The following TBL1X variants were observed in gnomAD, a reference collection of about 807,000 sequenced individuals.
The protein encoded by TBL1X is F-box-like/WD repeat-containing protein TBL1X.
Under a neutral mutation model 50.7 loss-of-function variants are expected in TBL1X, and 10 were observed. The ratio of observed to expected loss-of-function variants is 0.20; its 90% CI spans 0.12 to 0.33. The LOEUF (loss-of-function observed/expected upper bound fraction) is 0.33. TBL1X is among the 10% of genes least tolerant of loss of function. The pLI, the probability that TBL1X is intolerant of heterozygous loss-of-function variation, is 1.00. For synonymous variants in TBL1X, 190 were observed against 214.7 expected (o/e 0.88, Z 1.01); for missense variants, 340 against 504.4 (o/e 0.67, Z 3.12).
At chrX:9,654,011 T>G (rs943524131) in intron 4 of TBL1X, among the ~76,000 whole-genome samples, 1 of 111,987 alleles carries the variant, frequency 8.9e-6, no homozygotes, top group Non-Finnish European at 1.9e-5. Flanking sequence ...CTTGTTTTTT[T>G]GGAAAACATT....
chrX:9,657,735 G>A (rs1000811207), intron 5 of TBL1X, among the ~76,000 whole-genome samples: 2 of 112,478 alleles, frequency 1.8e-5, no homozygotes, highest in African/African-American at 6.5e-5. Flanking sequence ...CTCAATAGCT[G>A]TTACCCACAG....
Position 9,692,233 on chromosome X carries a change from C to T in TBL1X, c.870C>T (p.Asp290=), listed in dbSNP as rs1221658152. The part of the protein sequence containing the change: ...EGGHDVPSNK[D]VTSLDWNTNG... The stretch of plus-strand genomic sequence containing the variant: ...GCCATGACGTCCCGAGTAACAAAGA[C>T]GTCACCTCACTGGACTGGAATGTAA... Residue 290 remains aspartate, a synonymous_variant, in exon 9 of 18, where the codon GAC becomes GAT. Coordinates refer to ENST00000645353, the MANE Select transcript of TBL1X (RefSeq NM_005647.4). The T allele has an allele frequency of 1.4e-5, 17 of 1,193,977 alleles. No homozygotes were observed. Among genetic ancestry groups the T allele is most frequent in the Admixed American group, 2.3e-5 (1 of 42,718 alleles).
intron 2 of TBL1X, among the ~76,000 whole-genome samples, chrX:9,551,118 A>G (rs180801014): frequency 8.9e-6 from 1 of 111,857 alleles, no homozygotes; most frequent in Non-Finnish European, 1.9e-5. Flanking sequence ...ATACACATGT[A>G]GATGACTCTG....
intron 16 of TBL1X, among the ~76,000 whole-genome samples, chrX:9,712,336 T>A (rs1330450447): frequency 8.9e-6 from 1 of 112,086 alleles, no homozygotes; most frequent in African/African-American, 3.2e-5. Flanking sequence ...TTGTTGTTTT[T>A]TGTTTTTGTT....
At chrX:9,615,061 G>T (rs147358811) in intron 2 of TBL1X, among the ~76,000 whole-genome samples, 1,135 of 111,797 alleles carry the variant, frequency 0.01, 4 homozygotes, top group Admixed American at 0.015. Flanking sequence ...GGGACTCTGG[G>T]ATTGCTAGGG....
Position 9,675,908 on chromosome X carries a change from AG to A in TBL1X, c.212-8134del, listed in dbSNP as rs2082991370. On this transcript the variant is annotated intron_variant, in intron 5 of 17. Transcript: ENST00000645353. ...CTCTGTCTCAAAAAAAAAAAAAAAA[AG>A]AAGAAAGTAATTAAGATACATAGAG... 3.2e-4 allele frequency among the ~76,000 whole-genome samples: 35 copies of A among 109,330 alleles called. 1 individual carries two copies. In the South Asian group the frequency reaches 0.013, roughly 42 times the overall value. 94.9% of individuals were successfully genotyped at this position (109,330 alleles called of 115,157 possible).
At chrX:9,592,261 A>G (rs892079032) in intron 2 of TBL1X, among the ~76,000 whole-genome samples, 1 of 111,540 alleles carries the variant, frequency 9.0e-6, no homozygotes, top group Non-Finnish European at 1.9e-5. Flanking sequence ...TTTTCCAAGC[A>G]TGCACTAAGC....
At chrX:9,679,437 T>C (rs2083013083) in intron 5 of TBL1X, among the ~76,000 whole-genome samples, 1 of 111,341 alleles carries the variant, frequency 9.0e-6, no homozygotes, top group Non-Finnish European at 1.9e-5. Context: ...GGAATACGCC[T>C]CCTAAGTAGG....
intron 2 of TBL1X, among the ~76,000 whole-genome samples, chrX:9,502,425 G>T (rs1285924064): frequency 8.9e-6 from 1 of 112,329 alleles, no homozygotes; most frequent in Non-Finnish European, 1.9e-5. Flanking sequence ...CAGTGCCTGT[G>T]CAGGCAGCTG....
Position 9,717,646 on chromosome X carries a change from C to G in TBL1X, c.*1400C>G, listed in dbSNP as rs1011398030. 1 of 112,915 alleles carries G rather than the reference C, an allele frequency of 8.9e-6. No homozygotes were observed. Among genetic ancestry groups the G allele is most frequent in the African/African-American group, 3.2e-5 (1 of 31,077 alleles). The allele number at this position is 112,915 out of a possible 1,213,427, so 9.3% of individuals were successfully genotyped here. A position where few individuals can be genotyped will look rare whatever the true frequency, so the allele number is the denominator to read the frequency against. On this transcript the variant is annotated 3_prime_UTR_variant, in exon 18 of 18. Transcript: ENST00000645353. ...GAAGCCGTCGAAACCGACTGCTCGGCTGGATTAGGCGTGTTGGCTACATCT... is the reference window on the plus strand; with the variant it reads ...GAAGCCGTCGAAACCGACTGCTCGGGTGGATTAGGCGTGTTGGCTACATCT...
intron 1 of TBL1X, among the ~76,000 whole-genome samples, chrX:9,468,501 A>G (rs1465819495): frequency 9.0e-6 from 1 of 111,528 alleles, no homozygotes. Context: ...AAGGGCTCCC[A>G]GAGTGTGGTC....
chrX:9,541,236 C>T lies in TBL1X; in HGVS notation c.-131+39387C>T, dbSNP rs757627172. 6.3e-5 allele frequency among the ~76,000 whole-genome samples: 7 copies of T among 110,475 alleles called. No homozygotes were observed. In the South Asian group the frequency reaches 1.5e-3, roughly 24 times the overall value. On this transcript the variant is annotated intron_variant, in intron 2 of 17. Transcript: ENST00000645353. Reference sequence around the variant, plus strand: ...TTTCTTATTCATCAAATGTTAGGTACGTGATGTGGGAAAGCCAGTATGTTG... The same window carrying T: ...TTTCTTATTCATCAAATGTTAGGTATGTGATGTGGGAAAGCCAGTATGTTG...
chrX:9,641,101 T>C (rs2082773820), intron 3 of TBL1X, among the ~76,000 whole-genome samples: 1 of 112,549 alleles, frequency 8.9e-6, no homozygotes, highest in African/African-American at 3.2e-5. Flanking sequence ...ATTTGGCTCC[T>C]ATATCTTAAT....
At chrX:9,587,065 C>T (rs1022756121) in intron 2 of TBL1X, among the ~76,000 whole-genome samples, 2 of 111,908 alleles carry the variant, frequency 1.8e-5, no homozygotes, top group African/African-American at 6.5e-5. Context: ...GGGTTATTTC[C>T]GCCCTTGGAG....
intron 1 of TBL1X, among the ~76,000 whole-genome samples, chrX:9,466,561 A>G (rs184960036): frequency 1.3e-4 from 15 of 112,194 alleles, no homozygotes; most frequent in African/African-American, 4.9e-4. Flanking sequence ...TCTGCTTTGC[A>G]TTGTCATGTG....
chrX:9,705,407 C>T (rs2083200433), intron 13 of TBL1X, among the ~76,000 whole-genome samples: 1 of 110,706 alleles, frequency 9.0e-6, no homozygotes, highest in African/African-American at 3.3e-5. Flanking sequence ...AGGATGCTCA[C>T]AATAAATGAA....
At chrX:9,679,472 T>A in intron 5 of TBL1X, among the ~76,000 whole-genome samples, 1 of 111,733 alleles carries the variant, frequency 8.9e-6, no homozygotes, top group East Asian at 2.8e-4. Flanking sequence ...TCTTCAGGAA[T>A]GTCTCTAGGC....
chrX:9,647,245 C>T (rs1017056188), intron 3 of TBL1X, among the ~76,000 whole-genome samples: 2 of 111,785 alleles, frequency 1.8e-5, no homozygotes, highest in African/African-American at 3.3e-5. Flanking sequence ...AGCTTCTTGA[C>T]GGCTCTAAAC....
At chrX:9,515,358 T>G (rs1247749595) in intron 2 of TBL1X, among the ~76,000 whole-genome samples, 2 of 112,115 alleles carry the variant, frequency 1.8e-5, no homozygotes, top group Non-Finnish European at 3.8e-5. Context: ...AAATGTAAAC[T>G]CATAATAGAC....
Sources: allele counts gnomAD v4.1 joint callset (sites outside exome capture counted in the v4.1 genomes callset), GRCh38; gene constraint gnomAD v4.1.1; transcripts MANE v1.5; gene names NCBI Gene and HGNC (gene_info 2026-07-23, HGNC 2026-07-21).